Variants in ADAMTS18 observed in about 807,000 individuals in gnomAD.
ADAMTS18 encodes ADAM metallopeptidase with thrombospondin type 1 motif 18.
ADAMTS18 carries 157 observed loss-of-function variants against 165.9 expected under a neutral mutation model. That is an observed-to-expected ratio of 0.95 (90% CI 0.83 to 1.08). The LOEUF (loss-of-function observed/expected upper bound fraction) is 1.08, where lower values mean the gene tolerates loss of function less well. Among genes scored for constraint, ADAMTS18 ranks in the 50% least tolerant of loss-of-function variants. The pLI, the probability that ADAMTS18 is intolerant of heterozygous loss-of-function variation, is 0.00. For missense variants in ADAMTS18, 2,040 were observed against 1,534.0 expected, an observed-to-expected ratio of 1.33 and a Z score of -5.51; for synonymous variants, 782 against 578.2, an observed-to-expected ratio of 1.35 and a Z score of -5.06.
intron 3 of ADAMTS18, among the ~76,000 whole-genome samples, chr16:77,376,095 G>T (rs1335936154): frequency 6.6e-6 from 1 of 151,678 alleles, no homozygotes; most frequent in Admixed American, 6.6e-5. Flanking sequence ...TAAAGACGGG[G>T]TTTCTCCATG....
At chr16:77,389,639 G>A (rs1166603599) in intron 3 of ADAMTS18, among the ~76,000 whole-genome samples, 1 of 152,182 alleles carries the variant, frequency 6.6e-6, no homozygotes, top group Non-Finnish European at 1.5e-5. Context: ...CTACTTGGAA[G>A]ACCACTCAAG....
intron 3 of ADAMTS18, 144 bp from the exon 4 acceptor site, chr16:77,367,867 C>A: frequency 1.1e-6 from 1 of 925,556 alleles, no homozygotes; most frequent in South Asian, 1.4e-5. Context: ...TTTTTATCTG[C>A]ACCATTACAA....
At chr16:77,334,604 C>CTACTATAGTATATAGTATATA (rs1461479905) in intron 12 of ADAMTS18, among the ~76,000 whole-genome samples, 6 of 107,786 alleles carry the variant, frequency 5.6e-5, no homozygotes, top group South Asian at 2.6e-4. Flanking sequence ...TATATATATA[C>CTACTATAGTATATAGTATATA]TACTATAGTA....
intron 21 of ADAMTS18, among the ~76,000 whole-genome samples, chr16:77,289,804 T>C (rs1433630074): frequency 6.6e-6 from 1 of 152,108 alleles, no homozygotes; most frequent in African/African-American, 2.4e-5. Context: ...GAGGACATAG[T>C]TCAAAACTGG....
At chr16:77,285,119 C>G (rs1482360535) in intron 22 of ADAMTS18, among the ~76,000 whole-genome samples, 1 of 150,990 alleles carries the variant, frequency 6.6e-6, no homozygotes, top group East Asian at 1.9e-4. Flanking sequence ...ATAGGAAATG[C>G]AAGTGAATGG....
chr16:77,382,785 T>G (rs1245182154), intron 3 of ADAMTS18, among the ~76,000 whole-genome samples: 7 of 152,206 alleles, frequency 4.6e-5, no homozygotes, highest in Admixed American at 3.9e-4. Flanking sequence ...AACCAGACTT[T>G]CCATGAAGTT....
chr16:77,289,952 ACAACT>A lies in ADAMTS18; in HGVS notation c.3403-546_3403-542del, dbSNP rs753524031. On this transcript the variant is annotated intron_variant, in intron 21 of 22. Coordinates refer to ENST00000282849, the MANE Select transcript of ADAMTS18 (RefSeq NM_199355.4). ...TGCAATTAAAAATTTTCAAAAGTAG[ACAACT>A]CAACTGTCTTTCTTCCAGACAGCCA... Among the ~76,000 whole-genome samples the A allele has an allele frequency of 1.7e-3, 256 of 152,196 alleles. 2 individuals are homozygous for A. The highest frequency in any genetic ancestry group is 1.4e-3 in the Non-Finnish European group (97 of 68,030).
chr16:77,329,654 A>C (rs1400879552), intron 12 of ADAMTS18, among the ~76,000 whole-genome samples: 1 of 152,196 alleles, frequency 6.6e-6, no homozygotes, highest in African/African-American at 2.4e-5. Context: ...ATATACTAAT[A>C]CATTTCATTT....
rs753520232 is a variant in ADAMTS18 at position 77,431,509 on chromosome 16, C to T, written c.281G>A (p.Arg94Lys). 5 of 1,614,096 alleles carry T rather than the reference C, an allele frequency of 3.1e-6. No individual in the cohort carries two copies. The highest frequency in any genetic ancestry group is 2.2e-5 in the East Asian group (1 of 44,896). The part of the protein sequence containing the change: ...GRKKRSAQNA[R>K]SSLHYRFSAF... Reference sequence around the variant, plus strand: ...TGAAAATCGGTAGTGCAGGGAGCTTCTGGCATTCTGCGCCGATCGCTTTTT... The same window carrying T: ...TGAAAATCGGTAGTGCAGGGAGCTTTTGGCATTCTGCGCCGATCGCTTTTT... The change falls in exon 3 of 23, where the codon AGA becomes AAA. Residue 94 changes from arginine (R) to lysine (K), a missense_variant. Transcript: ENST00000282849.
intron 8 of ADAMTS18, among the ~76,000 whole-genome samples, chr16:77,358,297 C>T (rs916272530): frequency 1.6e-4 from 24 of 152,220 alleles, no homozygotes; most frequent in African/African-American, 5.3e-4. Flanking sequence ...TGGCACTGTC[C>T]GGGCGTGGTG....
At chr16:77,341,376 C>T (rs1470438679) in intron 11 of ADAMTS18, among the ~76,000 whole-genome samples, 1 of 152,036 alleles carries the variant, frequency 6.6e-6, no homozygotes, top group African/African-American at 2.4e-5. Context: ...GACATCTGAT[C>T]CCTGAGACTT....
intron 3 of ADAMTS18, among the ~76,000 whole-genome samples, chr16:77,380,520 C>A (rs1335602827): frequency 6.6e-6 from 1 of 152,074 alleles, no homozygotes; most frequent in South Asian, 2.1e-4. Flanking sequence ...AGAGTATGTA[C>A]CTCTAAGAAA....
chr16:77,285,030 C>A (rs1289549481), intron 22 of ADAMTS18, among the ~76,000 whole-genome samples: 1 of 152,176 alleles, frequency 6.6e-6, no homozygotes, highest in Non-Finnish European at 1.5e-5. Context: ...TTTCTAATTT[C>A]TTTAGTTGTT....
At chr16:77,332,923 T>C (rs1425379645) in intron 12 of ADAMTS18, among the ~76,000 whole-genome samples, 2 of 152,224 alleles carry the variant, frequency 1.3e-5, no homozygotes, top group African/African-American at 2.4e-5. Context: ...TTCTGGTTTC[T>C]CTTGAAAAGT....
At chr16:77,322,142 G>A (rs1367776386) in intron 14 of ADAMTS18, among the ~76,000 whole-genome samples, 194 bp downstream of exon 14, 5 of 107,170 alleles carry the variant, frequency 4.7e-5, no homozygotes, top group Non-Finnish European at 7.1e-5. Context: ...GTGACAGAGT[G>A]AAATTTCATC....
chr16:77,411,844 G>C (rs1284177374), intron 3 of ADAMTS18, among the ~76,000 whole-genome samples: 1 of 151,592 alleles, frequency 6.6e-6, no homozygotes, highest in South Asian at 2.1e-4. Flanking sequence ...CCACCACCAA[G>C]CCCAGCTAAT....
chr16:77,314,850 T>A (rs35537097), intron 16 of ADAMTS18, among the ~76,000 whole-genome samples: 63,739 of 129,764 alleles, frequency 0.49, 16,639 homozygotes, highest in Non-Finnish European at 0.53. Flanking sequence ...ATGGGCTAAG[T>A]ATTTTGTAGG....
At chr16:77,315,261 C>A (rs1328994784) in intron 16 of ADAMTS18, among the ~76,000 whole-genome samples, 1 of 152,136 alleles carries the variant, frequency 6.6e-6, no homozygotes, top group Non-Finnish European at 1.5e-5. Context: ...AACTATGAAA[C>A]TGGCACTTAG....
At chr16:77,288,866 C>A (rs1415830862) in intron 22 of ADAMTS18, among the ~76,000 whole-genome samples, 4 of 152,182 alleles carry the variant, frequency 2.6e-5, no homozygotes, top group African/African-American at 9.7e-5. Context: ...AAACCCAGAA[C>A]TTGAGGCCAG....
Sources: gnomAD v4.1 joint callset for allele counts (sites outside exome capture counted in the v4.1 genomes callset) on GRCh38, gnomAD v4.1.1 for gene constraint, MANE v1.5 for transcripts, NCBI Gene and HGNC (gene_info 2026-07-23, HGNC 2026-07-21) for gene names.